The following GLIS3 variants were observed in gnomAD, a reference collection of about 807,000 sequenced individuals.
The protein encoded by GLIS3 is GLIS family zinc finger 3.
In GLIS3, 53 loss-of-function variants were observed where a neutral mutation model predicts 78.6. The ratio of observed to expected loss-of-function variants is 0.67; its 90% CI spans 0.54 to 0.85. The LOEUF is 0.85. Among genes scored for constraint, GLIS3 ranks in the 40% least tolerant of loss-of-function variants. GLIS3 has a pLI of 0.00. For synonymous variants in GLIS3, 684 were observed against 509.9 expected (o/e 1.34, Z -4.60); for missense variants, 1,703 against 1,231.1 (o/e 1.38, Z -5.74).
At chr9:4,076,794 C>T (rs1255106679) in intron 4 of GLIS3, among the ~76,000 whole-genome samples, 2 of 152,200 alleles carry the variant, frequency 1.3e-5, no homozygotes, top group East Asian at 3.8e-4. Context: ...CAGGGGCTCA[C>T]ACCTGCAATC....
the GLIS3 span, among the ~76,000 whole-genome samples, chr9:4,361,632 T>C: frequency 2.0e-5 from 3 of 152,222 alleles, no homozygotes; most frequent in African/African-American, 7.2e-5. Flanking sequence ...AGCCCAAGCT[T>C]TTGGGTCTCC....
chr9:4,011,886 T>A (rs1421391406), intron 4 of GLIS3, among the ~76,000 whole-genome samples: 1 of 152,146 alleles, frequency 6.6e-6, no homozygotes, highest in African/African-American at 2.4e-5. Context: ...GGTCTCTCTT[T>A]CCAGCACTGC....
At chr9:4,107,924 C>G (rs867093993) in intron 4 of GLIS3, among the ~76,000 whole-genome samples, 1 of 152,114 alleles carries the variant, frequency 6.6e-6, no homozygotes, top group African/African-American at 2.4e-5. Flanking sequence ...TAAACCTCTA[C>G]GTATCCATCA....
intron 1 of GLIS3, among the ~76,000 whole-genome samples, chr9:4,298,713 G>T (rs748611721): frequency 1.3e-5 from 2 of 152,166 alleles, no homozygotes; most frequent in African/African-American, 2.4e-5. Context: ...CGAACCCGGC[G>T]GGGAGGGTTC....
intron 8 of GLIS3, among the ~76,000 whole-genome samples, chr9:3,876,313 GAAAAAGAAATA>G (rs942641982): frequency 1.5e-5 from 1 of 65,880 alleles, no homozygotes; most frequent in African/African-American, 4.3e-5. Context: ...TCAAGAAGAT[GAAAAAGAAATA>G]AAAATTAAAT....
At position 3,826,941 on chromosome 9, in the gene GLIS3, T is replaced by A. The variant is rs1817756047; in HGVS notation, c.*1331A>T. 1 of 152,244 alleles carries A rather than the reference T, an allele frequency of 6.6e-6. No individual in the cohort carries two copies. Among genetic ancestry groups the A allele is most frequent in the South Asian group, 2.1e-4 (1 of 4,836 alleles). The allele number at this position is 152,244 out of a possible 1,614,324, so 9.4% of individuals were successfully genotyped here. A position where few individuals can be genotyped will look rare whatever the true frequency, so the allele number is the denominator to read the frequency against. ...GGACTTAGGATCTGTAATAGCTATG[T>A]AGAGGTGTCACAGAAAATGACTTCC... On this transcript the variant is annotated 3_prime_UTR_variant, in exon 11 of 11. Transcript: ENST00000381971.
chr9:4,285,602 T>C (rs186757189), intron 2 of GLIS3: 4 of 154,534 alleles, frequency 2.6e-5, no homozygotes, highest in African/African-American at 9.7e-5. Context: ...AAACACCACC[T>C]TTCTTCTACA....
At chr9:4,152,082 G>C in intron 2 of GLIS3, 2 of 959,994 alleles carry the variant, frequency 2.1e-6, no homozygotes, top group Non-Finnish European at 2.5e-6. Flanking sequence ...CAACAAACAA[G>C]TAACACAATA....
At chr9:4,224,985 T>A (rs1821646265) in intron 2 of GLIS3, among the ~76,000 whole-genome samples, 1 of 151,958 alleles carries the variant, frequency 6.6e-6, no homozygotes, top group African/African-American at 2.4e-5. Flanking sequence ...AATAATATAC[T>A]ATTTATATAG....
chr9:4,201,015 G>T (rs866846354), intron 2 of GLIS3, among the ~76,000 whole-genome samples: 1 of 152,300 alleles, frequency 6.6e-6, no homozygotes, highest in Middle Eastern at 3.4e-3. Flanking sequence ...TTCCTGGGAT[G>T]CAAGATTGGT....
At chr9:4,185,188 G>C (rs554999866) in intron 2 of GLIS3, among the ~76,000 whole-genome samples, 29 of 152,246 alleles carry the variant, frequency 1.9e-4, no homozygotes, top group African/African-American at 6.7e-4. Flanking sequence ...TTGTACCAAC[G>C]CAAAATGCAA....
At chr9:4,417,256 T>C in the GLIS3 span, among the ~76,000 whole-genome samples, 1 of 152,198 alleles carries the variant, frequency 6.6e-6, no homozygotes, top group Non-Finnish European at 1.5e-5. Flanking sequence ...ACGGTTAACA[T>C]GCTGTGGTGA....
chr9:4,437,420 G>GTATGTATGTATGTATGTATCTATC, the GLIS3 span, among the ~76,000 whole-genome samples: 3 of 126,928 alleles, frequency 2.4e-5, no homozygotes, highest in African/African-American at 8.6e-5. Context: ...ATGTATGTAT[G>GTATGTATGTATGTATGTATCTATC]TATCTATCTA....
the GLIS3 span, among the ~76,000 whole-genome samples, chr9:4,459,536 G>T: frequency 4.6e-5 from 7 of 152,240 alleles, no homozygotes; most frequent in African/African-American, 1.7e-4. Context: ...GGCCAAGATG[G>T]GAGGATCACT....
At chr9:4,384,216 C>T in the GLIS3 span, among the ~76,000 whole-genome samples, 9 of 152,126 alleles carry the variant, frequency 5.9e-5, 2 homozygotes, top group Admixed American at 5.9e-4. Flanking sequence ...ACACAGGGTG[C>T]TGGACCTTAT....
chr9:3,837,641 TA>T (rs1818435727), intron 9 of GLIS3, among the ~76,000 whole-genome samples: 1 of 152,230 alleles, frequency 6.6e-6, no homozygotes, highest in Non-Finnish European at 1.5e-5. Context: ...AATTTCAATT[TA>T]AATGCATATT....
intron 2 of GLIS3, among the ~76,000 whole-genome samples, chr9:4,235,810 T>C (rs1822678811): frequency 6.6e-6 from 1 of 152,162 alleles, no homozygotes; most frequent in South Asian, 2.1e-4. Context: ...GGCTGTGCTC[T>C]GGTGAAAACT....
chr9:4,109,051 T>C (rs1027880454), intron 4 of GLIS3, among the ~76,000 whole-genome samples: 13 of 152,108 alleles, frequency 8.5e-5, no homozygotes, highest in Admixed American at 6.5e-5. Flanking sequence ...TGGGAATGGG[T>C]GCCATTTTGA....
At chr9:4,163,274 A>C (rs909110980) in intron 2 of GLIS3, among the ~76,000 whole-genome samples, 1 of 151,450 alleles carries the variant, frequency 6.6e-6, no homozygotes, top group African/African-American at 2.4e-5. Flanking sequence ...ACACACGCGC[A>C]CGCGCGCACA....
Sources: allele counts gnomAD v4.1 joint callset (sites outside exome capture counted in the v4.1 genomes callset), GRCh38; gene constraint gnomAD v4.1.1; transcripts MANE v1.5; gene names NCBI Gene and HGNC (gene_info 2026-07-23, HGNC 2026-07-21).